The following LRRC8D variants were observed in gnomAD, a reference collection of about 807,000 sequenced individuals.
The protein encoded by LRRC8D is volume-regulated anion channel subunit LRRC8D.
In LRRC8D, 20 loss-of-function variants were observed where a neutral mutation model predicts 55.8. That is an observed-to-expected ratio of 0.36 (90% confidence interval 0.25 to 0.52). The LOEUF is 0.52. Ranked by LOEUF, LRRC8D falls within the 20% of genes least tolerant of loss-of-function variation. LRRC8D has a pLI of 0.93. For missense variants in LRRC8D, 651 were observed against 1,030.8 expected, an observed-to-expected ratio of 0.63 and a Z score of 5.05; for synonymous variants, 352 against 377.0, an observed-to-expected ratio of 0.93 and a Z score of 0.77.
chr1:89,899,111 T>C (rs1355152417), intron 2 of LRRC8D, among the ~76,000 whole-genome samples: 2 of 152,230 alleles, frequency 1.3e-5, no homozygotes, highest in Non-Finnish European at 2.9e-5. Context: ...AGAGGAACTT[T>C]TCAACAATTC....
chr1:89,849,811 T>C (rs1179979765), intron 2 of LRRC8D, among the ~76,000 whole-genome samples: 2 of 152,194 alleles, frequency 1.3e-5, no homozygotes, highest in African/African-American at 2.4e-5. Context: ...ATTGTAACTT[T>C]CTTCTAGTGT....
intron 2 of LRRC8D, among the ~76,000 whole-genome samples, chr1:89,929,625 T>C (rs909280502): frequency 3.3e-5 from 5 of 152,196 alleles, no homozygotes; most frequent in Non-Finnish European, 5.9e-5. Context: ...CAGTCACATG[T>C]CTCTTCATGG....
intron 2 of LRRC8D, among the ~76,000 whole-genome samples, chr1:89,910,627 A>G (rs1050911416): frequency 6.6e-6 from 1 of 152,158 alleles, no homozygotes; most frequent in Non-Finnish European, 1.5e-5. Flanking sequence ...TATGGGCTTC[A>G]TAGTGTCAGT....
At chr1:89,839,854 C>G (rs778551579) in intron 1 of LRRC8D, among the ~76,000 whole-genome samples, 1 of 152,190 alleles carries the variant, frequency 6.6e-6, no homozygotes, top group African/African-American at 2.4e-5. Context: ...CACCAGGACT[C>G]CTGATATTCA....
chr1:89,914,376 C>T (rs1663206690), intron 2 of LRRC8D, among the ~76,000 whole-genome samples: 1 of 152,206 alleles, frequency 6.6e-6, no homozygotes, highest in South Asian at 2.1e-4. Context: ...GGAGTGGGCT[C>T]CAGCCTTGGC....
At chr1:89,849,680 T>C (rs1661364038) in intron 2 of LRRC8D, among the ~76,000 whole-genome samples, 1 of 152,220 alleles carries the variant, frequency 6.6e-6, no homozygotes. Context: ...TCTTTTTATG[T>C]CTTTAGCCTG....
chr1:89,918,693 A>G (rs1331397454), intron 2 of LRRC8D, among the ~76,000 whole-genome samples: 1 of 152,180 alleles, frequency 6.6e-6, no homozygotes, highest in Non-Finnish European at 1.5e-5. Flanking sequence ...TTTCCTGTAG[A>G]GTGCTTAATT....
chr1:89,920,463 A>AT (rs1054539936), intron 2 of LRRC8D, among the ~76,000 whole-genome samples: 18 of 152,062 alleles, frequency 1.2e-4, no homozygotes, highest in East Asian at 9.6e-4. Context: ...AAATCTTGAG[A>AT]TTTTTTATGT....
At chr1:89,906,185 A>T (rs1032762182) in intron 2 of LRRC8D, among the ~76,000 whole-genome samples, 19 of 152,334 alleles carry the variant, frequency 1.2e-4, no homozygotes, top group Middle Eastern at 3.4e-3. Flanking sequence ...GCTTAAAAAA[A>T]TCCCTATTTG....
At chr1:89,897,892 T>A (rs1662751886) in intron 2 of LRRC8D, among the ~76,000 whole-genome samples, 1 of 152,108 alleles carries the variant, frequency 6.6e-6, no homozygotes, top group Non-Finnish European at 1.5e-5. Context: ...AGGTAGAGGC[T>A]GGGACAAGGT....
At chr1:89,860,750 C>CT (rs1256029102) in intron 2 of LRRC8D, among the ~76,000 whole-genome samples, 1 of 75,664 alleles carries the variant, frequency 1.3e-5, no homozygotes, top group Non-Finnish European at 2.3e-5. Flanking sequence ...GAGCAAGACT[C>CT]TATCTCAAAA....
At chr1:89,821,482 T>G (rs1000056682) in intron 1 of LRRC8D, among the ~76,000 whole-genome samples, 191 bp downstream of exon 1, 4 of 152,024 alleles carry the variant, frequency 2.6e-5, no homozygotes, top group African/African-American at 9.7e-5. Flanking sequence ...GGGCTCCCGT[T>G]TGCTGCCGCC....
rs149094606 is a variant in LRRC8D at position 89,906,884 on chromosome 1, C to T, written c.-2-26183C>T. On this transcript the variant is annotated intron_variant, in intron 2 of 2. Coordinates refer to ENST00000337338, the MANE Select transcript of LRRC8D (RefSeq NM_001134479.2). ...CTGCATATAGTTTGCTTTTCCTGTT[C>T]GTTGCATTCCAACCTGTCAACGGCT... Among the ~76,000 whole-genome samples the T allele has an allele frequency of 4.0e-3, 607 of 152,058 alleles. 2 individuals carry two copies. The highest frequency in any genetic ancestry group is 0.014 in the African/African-American group (587 of 41,454).
chr1:89,835,090 A>G (rs1458280096), intron 1 of LRRC8D, among the ~76,000 whole-genome samples: 2 of 152,146 alleles, frequency 1.3e-5, no homozygotes, highest in African/African-American at 4.8e-5. Context: ...GCTGCATCTA[A>G]GGATCACTTG....
chr1:89,895,966 A>T (rs1262419938), intron 2 of LRRC8D, among the ~76,000 whole-genome samples: 1 of 152,246 alleles, frequency 6.6e-6, no homozygotes, highest in Non-Finnish European at 1.5e-5. Flanking sequence ...TACATAATAT[A>T]TGTCTCCTCC....
chr1:89,934,377 T>G lies in LRRC8D; in HGVS notation c.1309T>G (p.Phe437Val). The change falls in exon 3 of 3, where the codon TTC (phenylalanine) becomes GTC (valine). Residue 437 changes from phenylalanine (F) to valine (V), a missense_variant. Coordinates refer to ENST00000337338, the MANE Select transcript of LRRC8D (RefSeq NM_001134479.2). The surrounding 1 kb of genome is among the most constrained non-coding windows in gnomAD (Gnocchi z 5.9). The part of the protein sequence containing the change: ...DQLYSKRFGV[F>V]LSEVSENKLR... ...GCTATATTCCAAGCGTTTTGGTGTGTTCTTGTCAGAAGTTAGTGAAAATAA... is the reference window on the plus strand; with the variant it reads ...GCTATATTCCAAGCGTTTTGGTGTGGTCTTGTCAGAAGTTAGTGAAAATAA... 6.2e-7 allele frequency: 1 copy of G among 1,613,812 alleles called. No homozygotes were observed.
chr1:89,935,907 T>C lies in LRRC8D; in HGVS notation c.*262T>C, dbSNP rs1663843616. 3.0e-6 allele frequency: 1 copy of C among 327,880 alleles called. No individual in the cohort carries two copies. The highest frequency in any genetic ancestry group is 5.8e-6 in the Non-Finnish European group (1 of 171,252). The allele number at this position is 327,880 out of a possible 1,614,324, so 20.3% of individuals were successfully genotyped here. ...TTATAATCACTAATCTTGGTTCTTT[T>C]TAAATTGTTTGTAACTTGGATGCTG... On this transcript the variant is annotated 3_prime_UTR_variant, in exon 3 of 3. Coordinates refer to ENST00000337338, the MANE Select transcript of LRRC8D (RefSeq NM_001134479.2).
At chr1:89,852,835 G>A (rs1020989145) in intron 2 of LRRC8D, among the ~76,000 whole-genome samples, 1 of 152,156 alleles carries the variant, frequency 6.6e-6, no homozygotes, top group East Asian at 1.9e-4. Context: ...ACATGGACTA[G>A]GAGTGAATGG....
intron 2 of LRRC8D, among the ~76,000 whole-genome samples, chr1:89,900,169 T>C (rs981940470): frequency 2.6e-5 from 4 of 152,316 alleles, no homozygotes; most frequent in Admixed American, 1.3e-4. Flanking sequence ...CCATAGGCAC[T>C]GATGGCAGGC....
Sources: gnomAD v4.1 joint callset for allele counts (sites outside exome capture counted in the v4.1 genomes callset) on GRCh38, gnomAD v4.1.1 for gene constraint, Gnocchi (gnomAD v3.1) non-coding constraint, MANE v1.5 for transcripts, NCBI Gene and HGNC (gene_info 2026-07-23, HGNC 2026-07-21) for gene names.